The following TRIO variants were observed in gnomAD, a reference collection of about 807,000 sequenced individuals.
TRIO encodes the protein triple functional domain protein.
TRIO carries 58 observed loss-of-function variants against 351.9 expected under a neutral mutation model. The observed-to-expected ratio is 0.16, with a 90% CI of 0.13 to 0.21. The LOEUF (loss-of-function observed/expected upper bound fraction) is 0.21, where lower values mean the gene tolerates loss of function less well. Ranked by LOEUF, TRIO falls within the 10% of genes least tolerant of loss-of-function variation. The pLI is 1.00. For synonymous variants in TRIO, 1,758 were observed against 1,595.7 expected (o/e 1.10, Z -2.42); for missense variants, 3,201 against 4,027.8 (o/e 0.79, Z 5.56).
chr5:14,316,552 C>T lies in TRIO; in HGVS notation c.1540C>T (p.Arg514Trp). 1.9e-6 allele frequency: 3 copies of T among 1,614,176 alleles called. No homozygotes were observed. The highest frequency in any genetic ancestry group is 1.3e-5 in the African/African-American group (1 of 75,056). ...DGKSLLDKLQ[R>W]PLTPGSSDSL... ...GAAGTCGCTCCTTGACAAGCTCCAG[C>T]GGCCCTTGACTCCCGGCAGCTCCGA... The change falls in exon 9 of 57, where the codon CGG becomes TGG. Residue 514 changes from arginine (R) to tryptophan (W), a missense_variant. Transcript: ENST00000344204.
chr5:14,213,025 C>G (rs990198123), intron 1 of TRIO, among the ~76,000 whole-genome samples: 2 of 152,168 alleles, frequency 1.3e-5, no homozygotes, highest in African/African-American at 2.4e-5. Context: ...TTGAACAACA[C>G]GGACAAAGTA....
At chr5:14,489,463 C>T (rs539173249) in intron 48 of TRIO, among the ~76,000 whole-genome samples, 5 of 152,100 alleles carry the variant, frequency 3.3e-5, no homozygotes, top group African/African-American at 1.2e-4. Flanking sequence ...GATTTGAGTC[C>T]AGTGTGGGGT....
At chr5:14,498,366 C>T in intron 52 of TRIO, 115 bp downstream of exon 52, 8 of 1,515,116 alleles carry the variant, frequency 5.3e-6, no homozygotes, top group Non-Finnish European at 7.1e-6. Context: ...CGGCACTCCA[C>T]TTCTTCCGTG....
At chr5:14,291,904 A>G (rs1016253907) in intron 5 of TRIO, among the ~76,000 whole-genome samples, 2 of 152,010 alleles carry the variant, frequency 1.3e-5, no homozygotes. Flanking sequence ...GTAATGTGTT[A>G]AAAGTAACAG....
chr5:14,408,079 A>G (rs1470838811), intron 33 of TRIO, among the ~76,000 whole-genome samples: 1 of 152,188 alleles, frequency 6.6e-6, no homozygotes, highest in Non-Finnish European at 1.5e-5. Flanking sequence ...CAGCCCACTC[A>G]TTGGTAGGAA....
At chr5:14,477,089 G>A in intron 41 of TRIO, 126 bp downstream of exon 41, 2 of 797,650 alleles carry the variant, frequency 2.5e-6, no homozygotes, top group Non-Finnish European at 2.0e-6. Flanking sequence ...AAATCAAACT[G>A]CATGGTGTTA....
Position 14,492,789 on chromosome 5 carries a change from G to T in TRIO, c.7855G>T (p.Val2619Leu). The part of the protein sequence containing the change: ...FVLGHTSAVI[V>L]ENPDGTLKKS... ...CCTGGGCCACACCAGTGCAGTCATC[G>T]TGGAGAACCCGGACGGGACTCTCAA... Residue 2619 changes from valine (V) to leucine (L), a missense_variant, in exon 49 of 57, where the codon GTG (valine) becomes TTG (leucine). Around this residue, in one of 19 missense-constraint regions of TRIO, gnomAD observed 1,089 missense variants for 954.9 expected, o/e 1.14. Coordinates refer to ENST00000344204, the MANE Select transcript of TRIO (RefSeq NM_007118.4). The T allele has an allele frequency of 6.2e-7, 1 of 1,613,998 alleles. No individual in the cohort carries two copies. The highest frequency in any genetic ancestry group is 8.5e-7 in the Non-Finnish European group (1 of 1,179,992).
chr5:14,259,422 T>C (rs960064747), intron 1 of TRIO, among the ~76,000 whole-genome samples: 2 of 152,264 alleles, frequency 1.3e-5, no homozygotes, highest in African/African-American at 4.8e-5. Flanking sequence ...TCTTTTCTCT[T>C]TGTTTTCTGC....
Position 14,498,185 on chromosome 5 carries a change from C to T in TRIO, c.8144C>T (p.Ser2715Leu). 6.2e-7 allele frequency: 1 copy of T among 1,614,210 alleles called. No individual in the cohort carries two copies. The highest frequency in any genetic ancestry group is 8.5e-7 in the Non-Finnish European group (1 of 1,180,046). Reference protein sequence around the residue: ...RCRVCGRPKASITWKGPEHNT... With the variant: ...RCRVCGRPKALITWKGPEHNT... ...CGAGTCTGTGGCCGCCCCAAAGCCT[C>T]AATTACCTGGAAGGGCCCTGAACAC... The change falls in exon 52 of 57, where the codon TCA becomes TTA. Residue 2715 changes from serine to leucine, a missense_variant. Coordinates refer to ENST00000344204, the MANE Select transcript of TRIO (RefSeq NM_007118.4).
intron 1 of TRIO, among the ~76,000 whole-genome samples, chr5:14,151,668 T>C (rs1787845458): frequency 6.6e-6 from 1 of 152,148 alleles, no homozygotes; most frequent in South Asian, 2.1e-4. Context: ...GCCAAAACAG[T>C]GTGTGTATAA....
intron 13 of TRIO, among the ~76,000 whole-genome samples, chr5:14,361,223 A>AT (rs1341845714): frequency 6.6e-6 from 1 of 152,230 alleles, no homozygotes; most frequent in African/African-American, 2.4e-5. Flanking sequence ...AGAGAAAAAA[A>AT]TTTTTAATAT....
At position 14,405,885 on chromosome 5, in the gene TRIO, A is replaced by G; in HGVS notation, c.4754A>G (p.His1585Arg). 6.2e-7 allele frequency: 1 copy of G among 1,614,036 alleles called. No homozygotes were observed. Among genetic ancestry groups the G allele is most frequent in the Non-Finnish European group, 8.5e-7 (1 of 1,180,026 alleles). Residue 1585 changes from histidine to arginine, a missense_variant, in exon 32 of 57, where the codon CAT (histidine) becomes CGT (arginine). His to Arg is a conservative substitution (Grantham distance 29). Transcript: ENST00000344204. ...GAGAACAAGCAGGACTGGATAAAGC[A>G]TATCCGCGAAGTCATCCAGGAGCGG... is the stretch of plus-strand genomic sequence containing the variant. ...SIENKQDWIK[H>R]IREVIQERTI... is the part of the protein sequence containing the mutation.
chr5:14,236,845 C>T (rs1262870120), intron 1 of TRIO, among the ~76,000 whole-genome samples: 1 of 152,160 alleles, frequency 6.6e-6, no homozygotes, highest in Non-Finnish European at 1.5e-5. Flanking sequence ...ACCCCTCCAG[C>T]CTCCCCATTC....
Position 14,509,535 on chromosome 5 carries a change from T to G in TRIO, c.*1113T>G. On this transcript the variant is annotated 3_prime_UTR_variant, in exon 57 of 57. Transcript: ENST00000344204. ...GGATAATAGGGTAATGTTTTAAAAT[T>G]TATTATGCTATTATTCAGAATGCCA... 2.6e-6 allele frequency: 1 copy of G among 380,928 alleles called. No individual in the cohort carries two copies. The highest frequency in any genetic ancestry group is 5.1e-6 in the Non-Finnish European group (1 of 195,398). The allele number at this position is 380,928 out of a possible 1,614,324, so 23.6% of individuals were successfully genotyped here.
At chr5:14,320,631 C>G (rs165078) in intron 9 of TRIO, among the ~76,000 whole-genome samples, 1,930 of 152,284 alleles carry the variant, frequency 0.013, 41 homozygotes, top group African/African-American at 0.044. Flanking sequence ...CTAGTCCACT[C>G]TAAATTCTTC....
intron 11 of TRIO, among the ~76,000 whole-genome samples, chr5:14,345,711 C>T (rs921111159): frequency 6.6e-6 from 1 of 152,134 alleles, no homozygotes; most frequent in Non-Finnish European, 1.5e-5. Context: ...CAGGCGTGTG[C>T]CACCATTTTA....
At chr5:14,145,407 TCTA>T (rs1467947375) in intron 1 of TRIO, among the ~76,000 whole-genome samples, 1 of 152,068 alleles carries the variant, frequency 6.6e-6, no homozygotes, top group Non-Finnish European at 1.5e-5. Context: ...TTGGGGTTAA[TCTA>T]CTCCCCAGTG....
At chr5:14,384,407 C>T (rs1289165566) in intron 21 of TRIO, among the ~76,000 whole-genome samples, 3 of 152,150 alleles carry the variant, frequency 2.0e-5, no homozygotes, top group African/African-American at 2.4e-5. Flanking sequence ...TATTTTTCTC[C>T]AGTTCCTCGA....
At chr5:14,144,034 A>C (rs1319947244) in intron 1 of TRIO, 152 bp downstream of exon 1, 11 of 519,660 alleles carry the variant, frequency 2.1e-5, no homozygotes, top group Non-Finnish European at 2.3e-5. Context: ...CACTGCTTCC[A>C]TGCGCCGGGG....
Sources: gnomAD v4.1 joint callset for allele counts (sites outside exome capture counted in the v4.1 genomes callset) on GRCh38, gnomAD v4.1.1 for gene constraint, gnomAD v4.1.1 regional missense constraint, MANE v1.5 for transcripts, NCBI Gene and HGNC (gene_info 2026-07-23, HGNC 2026-07-21) for gene names.